RIT2: variants seen among roughly 807,000 people sequenced by gnomAD.
The protein encoded by RIT2 is GTP-binding protein Rit2.
Under a neutral mutation model 23.7 loss-of-function variants are expected in RIT2, and 24 were observed. That is an observed-to-expected ratio of 1.01 (90% CI 0.73 to 1.43). The LOEUF (loss-of-function observed/expected upper bound fraction) is 1.43. Ranked by LOEUF, RIT2 falls within the 40% of genes most tolerant of loss-of-function variation. RIT2 has a pLI of 0.00. For synonymous variants in RIT2, 107 were observed against 91.1 expected (o/e 1.17, Z -0.99); for missense variants, 236 against 266.9 (o/e 0.88, Z 0.81).
chr18:42,820,281 G>A (rs1430502240), intron 4 of RIT2, among the ~76,000 whole-genome samples: 7 of 151,900 alleles, frequency 4.6e-5, no homozygotes, highest in Admixed American at 4.6e-4. Flanking sequence ...AACTATTCTT[G>A]GAGCTGTAGA....
chr18:42,878,565 CTG>C (rs71371607), intron 4 of RIT2, among the ~76,000 whole-genome samples: 22,150 of 147,294 alleles, frequency 0.15, 1,889 homozygotes, highest in East Asian at 0.25. Flanking sequence ...AGATTCAACT[CTG>C]TGTGTGTGTG....
intron 1 of RIT2, among the ~76,000 whole-genome samples, chr18:43,088,084 C>T (rs965154320): frequency 6.6e-6 from 1 of 152,050 alleles, no homozygotes; most frequent in Non-Finnish European, 1.5e-5. Flanking sequence ...TAGTCTTGAG[C>T]AAAACTGTTA....
chr18:42,753,781 C>A (rs1274874186), intron 4 of RIT2, among the ~76,000 whole-genome samples: 1 of 152,110 alleles, frequency 6.6e-6, no homozygotes, highest in Non-Finnish European at 1.5e-5. Context: ...TATTAATGAC[C>A]TTGCCAGTTT....
At chr18:43,023,736 A>G (rs910870108) in intron 2 of RIT2, among the ~76,000 whole-genome samples, 1 of 152,116 alleles carries the variant, frequency 6.6e-6, no homozygotes, top group African/African-American at 2.4e-5. Context: ...TTTATTTTCT[A>G]GCTAAGGAAG....
In RIT2 at chr18:42,951,604, T is replaced by A. The variant is rs1461670712; in HGVS notation, c.234+22470A>T. On this transcript the variant is annotated intron_variant, in intron 3 of 4. Transcript: ENST00000326695. ...AAAAGTTAAAAAAGAAAAAAATATA[T>A]ATATATATAAACATTATATGATCCA... 1.5e-4 allele frequency among the ~76,000 whole-genome samples: 22 copies of A among 149,658 alleles called. No homozygotes were observed. In the East Asian group the frequency reaches 1.8e-3, roughly 12 times the overall value.
At chr18:42,846,310 A>G (rs1432678970) in intron 4 of RIT2, among the ~76,000 whole-genome samples, 1 of 151,970 alleles carries the variant, frequency 6.6e-6, no homozygotes, top group East Asian at 1.9e-4. Flanking sequence ...AGCCACATAC[A>G]AAGAAAAAAA....
chr18:42,993,868 T>C (rs565626151), intron 2 of RIT2, among the ~76,000 whole-genome samples: 7 of 152,234 alleles, frequency 4.6e-5, no homozygotes, highest in African/African-American at 1.7e-4. Flanking sequence ...AACGCCAATA[T>C]CCCATCCCAC....
intron 1 of RIT2, among the ~76,000 whole-genome samples, chr18:43,088,929 T>C (rs889800271): frequency 6.6e-6 from 1 of 152,144 alleles, no homozygotes; most frequent in Non-Finnish European, 1.5e-5. Flanking sequence ...CATTGATTAT[T>C]TTGGAAAAAT....
chr18:42,990,140 T>G (rs550875354), intron 2 of RIT2, among the ~76,000 whole-genome samples: 1 of 152,080 alleles, frequency 6.6e-6, no homozygotes, highest in East Asian at 1.9e-4. Context: ...TTTTTTGAAA[T>G]TCAGTCAATC....
chr18:42,837,148 TTTTTC>T (rs1555641141), intron 4 of RIT2, among the ~76,000 whole-genome samples: 5 of 111,940 alleles, frequency 4.5e-5, no homozygotes, highest in Non-Finnish European at 8.8e-5. Flanking sequence ...TTTTTTTTTC[TTTTTC>T]TTTTTTTTTT....
intron 4 of RIT2, among the ~76,000 whole-genome samples, chr18:42,875,866 A>C (rs1907731970): frequency 6.6e-6 from 1 of 151,982 alleles, no homozygotes; most frequent in Admixed American, 6.6e-5. Context: ...TGGCTCAGCT[A>C]TTTGCATTTG....
chr18:43,030,079 T>A (rs1433353332), intron 2 of RIT2, among the ~76,000 whole-genome samples: 1 of 152,094 alleles, frequency 6.6e-6, no homozygotes, highest in South Asian at 2.1e-4. Flanking sequence ...TATTTAGGTC[T>A]GGGATACACT....
chr18:42,766,748 G>A (rs1224017060), intron 4 of RIT2, among the ~76,000 whole-genome samples: 1 of 152,156 alleles, frequency 6.6e-6, no homozygotes, highest in African/African-American at 2.4e-5. Flanking sequence ...AGGCCCAGGA[G>A]GAAAAAGTGG....
intron 2 of RIT2, among the ~76,000 whole-genome samples, chr18:43,005,819 C>T (rs922731477): frequency 6.6e-6 from 1 of 151,740 alleles, no homozygotes; most frequent in African/African-American, 2.4e-5. Flanking sequence ...AGGTAGACAA[C>T]ATGAGGTCTG....
At chr18:42,805,027 T>A (rs1482652395) in intron 4 of RIT2, among the ~76,000 whole-genome samples, 2 of 152,184 alleles carry the variant, frequency 1.3e-5, no homozygotes, top group Non-Finnish European at 2.9e-5. Context: ...AACATCCACC[T>A]TTCTCTGAAT....
At chr18:42,981,402 T>A (rs974107018) in intron 2 of RIT2, among the ~76,000 whole-genome samples, 3 of 152,146 alleles carry the variant, frequency 2.0e-5, no homozygotes, top group African/African-American at 4.8e-5. Flanking sequence ...TTCATCCTCA[T>A]CTGATGGACC....
At chr18:42,805,353 C>A (rs1181722994) in intron 4 of RIT2, among the ~76,000 whole-genome samples, 1 of 152,000 alleles carries the variant, frequency 6.6e-6, no homozygotes, top group Non-Finnish European at 1.5e-5. Flanking sequence ...TAATATGTTG[C>A]AAGATATTAT....
chr18:42,799,824 A>C (rs955876010), intron 4 of RIT2, among the ~76,000 whole-genome samples: 10 of 152,166 alleles, frequency 6.6e-5, no homozygotes, highest in African/African-American at 2.4e-4. Flanking sequence ...TTCTTTTGAC[A>C]ATCAGGTCTC....
chr18:42,853,875 G>A (rs1723061938), intron 4 of RIT2, among the ~76,000 whole-genome samples: 1 of 152,096 alleles, frequency 6.6e-6, no homozygotes, highest in Non-Finnish European at 1.5e-5. Flanking sequence ...AAAACTCTGG[G>A]TTTATGTTCC....
Sources: allele counts gnomAD v4.1 joint callset (sites outside exome capture counted in the v4.1 genomes callset), GRCh38; gene constraint gnomAD v4.1.1; transcripts MANE v1.5; gene names NCBI Gene and HGNC (gene_info 2026-07-23, HGNC 2026-07-21).